Variants in DNAAF4 observed in about 807,000 individuals in gnomAD.
DNAAF4 encodes the protein dynein axonemal assembly factor 4, also known as dynein assembly factor 4, axonemal.
DNAAF4 carries 43 observed loss-of-function variants against 51.8 expected under a neutral mutation model. That is an observed-to-expected ratio of 0.83 (90% CI 0.65 to 1.07). The LOEUF (loss-of-function observed/expected upper bound fraction) is 1.07. Ranked by LOEUF, DNAAF4 falls within the 50% of genes least tolerant of loss-of-function variation. DNAAF4 has a pLI of 0.00. For missense variants in DNAAF4, 581 were observed against 493.0 expected (o/e 1.18, Z -1.69); for synonymous variants, 194 against 165.6 (o/e 1.17, Z -1.32).
intron 4 of DNAAF4, 129 bp downstream of exon 4, chr15:55,490,994 T>C (rs2058563968): frequency 9.4e-7 from 1 of 1,062,998 alleles, no homozygotes. Context: ...AGACAGTCTA[T>C]ATAACATAGT....
intron 6 of DNAAF4, among the ~76,000 whole-genome samples, chr15:55,448,143 G>A (rs1174221560): frequency 6.6e-6 from 1 of 152,070 alleles, no homozygotes; most frequent in Non-Finnish European, 1.5e-5. Context: ...TTTGTCAAAG[G>A]CCTTTTCTGC....
At chr15:55,444,856 T>C (rs2057771220) in intron 6 of DNAAF4, among the ~76,000 whole-genome samples, 1 of 152,116 alleles carries the variant, frequency 6.6e-6, no homozygotes, top group Non-Finnish European at 1.5e-5. Context: ...TTGTCTGTTA[T>C]TGGTGTATAA....
chr15:55,472,920 C>T (rs896694261), intron 4 of DNAAF4, among the ~76,000 whole-genome samples: 1 of 151,974 alleles, frequency 6.6e-6, no homozygotes, highest in South Asian at 2.1e-4. Context: ...AAACCCAACA[C>T]TTTGGGAAGC....
At chr15:55,437,276 G>A (rs907278190) in intron 7 of DNAAF4, among the ~76,000 whole-genome samples, 3 of 152,166 alleles carry the variant, frequency 2.0e-5, no homozygotes, top group Non-Finnish European at 4.4e-5. Context: ...AAATGAATAG[G>A]AAGGAAGAAA....
chr15:55,431,431 G>T (rs1261579367), intron 9 of DNAAF4, among the ~76,000 whole-genome samples: 2 of 150,680 alleles, frequency 1.3e-5, no homozygotes, highest in Non-Finnish European at 2.9e-5. Flanking sequence ...GAAGCTCTCT[G>T]AGATAAATAT....
At chr15:55,507,400 A>G (rs192512343) in intron 1 of DNAAF4, among the ~76,000 whole-genome samples, 68 of 152,314 alleles carry the variant, frequency 4.5e-4, no homozygotes, top group African/African-American at 1.6e-3. Context: ...AAGTCATCTA[A>G]CATAATAAGG....
rs573883302 is a variant in DNAAF4, at chr15:55,420,029, T to C, written c.1048-1896A>G. On this transcript the variant is annotated intron_variant, in intron 7 of 7. Coordinates refer to the DNAAF4 transcript ENST00000448430. ...AAAAAAAAAGAATAAAAAAAAGTAT[T>C]TTGGGAGAATGAGATTAGCAAATTA... Among the ~76,000 whole-genome samples, 69 of 152,066 alleles carry C rather than the reference T, an allele frequency of 4.5e-4. 1 individual carries two copies. In the South Asian group the frequency reaches 8.7e-3, roughly 19 times the overall value.
chr15:55,446,931 C>G (rs1218863732), intron 6 of DNAAF4, among the ~76,000 whole-genome samples: 2 of 124,042 alleles, frequency 1.6e-5, no homozygotes, highest in African/African-American at 3.1e-5. Flanking sequence ...CAGGCAGAGG[C>G]GCTCCTCACA....
At chr15:55,480,755 G>A (rs574675526) in intron 4 of DNAAF4, among the ~76,000 whole-genome samples, 3 of 152,256 alleles carry the variant, frequency 2.0e-5, no homozygotes, top group East Asian at 1.9e-4. Context: ...GCTTTCAGAC[G>A]GCTTGGAAGA....
chr15:55,464,976 C>A (rs2058147489), intron 5 of DNAAF4, among the ~76,000 whole-genome samples: 1 of 152,072 alleles, frequency 6.6e-6, no homozygotes, highest in Admixed American at 6.6e-5. Context: ...AACAAACAAA[C>A]AAATGTCCAA....
chr15:55,496,218 G>C (rs960044064), intron 3 of DNAAF4, among the ~76,000 whole-genome samples: 1 of 152,136 alleles, frequency 6.6e-6, no homozygotes, highest in Non-Finnish European at 1.5e-5. Context: ...GTGACTGAGC[G>C]AGACTCTGTC....
intron 1 of DNAAF4, 28 bp from the exon 2 acceptor site, chr15:55,498,612 AAGC>A (rs2058672249): frequency 3.5e-6 from 1 of 283,830 alleles, no homozygotes; most frequent in Non-Finnish European, 6.4e-6. Context: ...AAAAAAAAAA[AAGC>A]ACTCTGTGGG....
intron 7 of DNAAF4, among the ~76,000 whole-genome samples, chr15:55,422,109 A>G (rs2057393550): frequency 6.6e-6 from 1 of 152,030 alleles, no homozygotes; most frequent in Admixed American, 6.6e-5. Context: ...ACATGATAAC[A>G]TACATAGGTA....
rs1245202563 is a variant in DNAAF4 at position 55,498,375 on chromosome 15, C to A, written c.-46G>T. On this transcript the variant is annotated 5_prime_UTR_variant, in exon 2 of 10. Coordinates refer to ENST00000321149, the MANE Select transcript of DNAAF4 (RefSeq NM_130810.4). ...ATAGCGCGGCTGGTTGCTTCTTGCGCCTGCTTGGTTGCTAGGGAAGCTGGG... is the reference window on the plus strand; with the variant it reads ...ATAGCGCGGCTGGTTGCTTCTTGCGACTGCTTGGTTGCTAGGGAAGCTGGG... 6.3e-7 allele frequency: 1 copy of A among 1,581,722 alleles called. No homozygotes were observed. The highest frequency in any genetic ancestry group is 1.8e-5 in the Admixed American group (1 of 56,360).
intron 1 of DNAAF4, among the ~76,000 whole-genome samples, chr15:55,500,659 C>T (rs2058691976): frequency 6.6e-6 from 1 of 152,100 alleles, no homozygotes; most frequent in East Asian, 1.9e-4. Flanking sequence ...TACCATGATC[C>T]TACTAAACTT....
intron 7 of DNAAF4, among the ~76,000 whole-genome samples, chr15:55,421,486 G>C (rs1566994356): frequency 6.6e-6 from 1 of 152,008 alleles, no homozygotes; most frequent in Non-Finnish European, 1.5e-5. Context: ...CTGAGTGACA[G>C]AGGGAGACTT....
intron 1 of DNAAF4, among the ~76,000 whole-genome samples, chr15:55,501,199 C>T (rs1396699798): frequency 7.1e-6 from 1 of 140,718 alleles, no homozygotes; most frequent in Non-Finnish European, 1.5e-5. Context: ...GAGTAGCTGG[C>T]ACTATGGGCA....
chr15:55,502,208 G>A (rs2058703325), intron 1 of DNAAF4, among the ~76,000 whole-genome samples: 1 of 152,186 alleles, frequency 6.6e-6, no homozygotes. Context: ...GGGTGTCTCA[G>A]TAAGACAGTT....
At chr15:55,441,549 G>A (rs918768019) in intron 6 of DNAAF4, among the ~76,000 whole-genome samples, 1 of 151,838 alleles carries the variant, frequency 6.6e-6, no homozygotes, top group Non-Finnish European at 1.5e-5. Flanking sequence ...ATCTCCTAAT[G>A]CTATCCCTCC....
Sources: allele counts gnomAD v4.1 joint callset (sites outside exome capture counted in the v4.1 genomes callset), GRCh38; gene constraint gnomAD v4.1.1; transcripts MANE v1.5; gene names NCBI Gene and HGNC (gene_info 2026-07-23, HGNC 2026-07-21).